Variants in ANK2 observed in about 807,000 individuals in gnomAD.
ANK2 encodes ankyrin-2.
ANK2 carries 83 observed loss-of-function variants against 360.5 expected under a neutral mutation model. That is an observed-to-expected ratio of 0.23 (90% CI 0.19 to 0.28). ANK2 has a LOEUF of 0.28. Among genes scored for constraint, ANK2 ranks in the 10% least tolerant of loss-of-function variants. The pLI, the probability that ANK2 is intolerant of heterozygous loss-of-function variation, is 1.00. For synonymous variants in ANK2, 1,740 were observed against 1,759.5 expected (o/e 0.99, Z 0.28); for missense variants, 4,201 against 4,795.7 (o/e 0.88, Z 3.66).
At chr4:112,731,900 C>T in the ANK2 span, among the ~76,000 whole-genome samples, 1 of 152,194 alleles carries the variant, frequency 6.6e-6, no homozygotes, top group African/African-American at 2.4e-5. Flanking sequence ...TTCCTGGGCT[C>T]AAGCCTTAGG....
At chr4:113,164,975 G>A (rs916142766) in intron 1 of ANK2, among the ~76,000 whole-genome samples, 1 of 152,126 alleles carries the variant, frequency 6.6e-6, no homozygotes, top group African/African-American at 2.4e-5. Flanking sequence ...CGACCCAAAT[G>A]TTGTTATAGG....
At chr4:113,236,502 A>G (rs1211953349) in intron 5 of ANK2, among the ~76,000 whole-genome samples, 1 of 152,218 alleles carries the variant, frequency 6.6e-6, no homozygotes, top group African/African-American at 2.4e-5. Context: ...GGTAATAGAC[A>G]ACTCCATCCC....
intron 2 of ANK2, among the ~76,000 whole-genome samples, chr4:112,993,101 A>G (rs957559708): frequency 6.6e-6 from 1 of 151,786 alleles, no homozygotes; most frequent in African/African-American, 2.4e-5. Flanking sequence ...TGGGCAACAT[A>G]AGGAGACCTT....
At chr4:112,856,676 C>G (rs2066489293) in intron 1 of ANK2, among the ~76,000 whole-genome samples, 1 of 152,182 alleles carries the variant, frequency 6.6e-6, no homozygotes, top group South Asian at 2.1e-4. Context: ...TGCAGTGAGC[C>G]AAGATCACGC....
the ANK2 span, among the ~76,000 whole-genome samples, chr4:112,736,536 G>A: frequency 6.6e-6 from 1 of 151,978 alleles, no homozygotes; most frequent in African/African-American, 2.4e-5. Flanking sequence ...TATTACAGAT[G>A]AGGAAATTGA....
chr4:113,238,334 C>A (rs1437038197), intron 7 of ANK2, among the ~76,000 whole-genome samples: 1 of 152,142 alleles, frequency 6.6e-6, no homozygotes, highest in Non-Finnish European at 1.5e-5. Context: ...CTAACCTATA[C>A]TCAAAAACAA....
At position 113,336,578 on chromosome 4, in the gene ANK2, C is replaced by T; in HGVS notation, c.3593C>T (p.Ala1198Val). 1.2e-6 allele frequency: 2 copies of T among 1,613,810 alleles called. No individual in the cohort carries two copies. Among genetic ancestry groups the T allele is most frequent in the African/African-American group, 1.3e-5 (1 of 75,028 alleles). ...TGTGTGTGTTTTTACTTTGAAAAGG[C>T]TCAACCTATGCACAGTGAGCTGGTT... Reference protein sequence around the residue: ...LTKRIRVGLQAQPMHSELVKK... With the variant: ...LTKRIRVGLQVQPMHSELVKK... The change falls in exon 31 of 46, where the codon GCT becomes GTT. Residue 1198 changes from alanine (A) to valine (V), a missense_variant and splice_region_variant. Ala to Val is a moderately conservative substitution (Grantham distance 64). This residue lies in a region of ANK2 where 1,268 missense variants were observed against 1,650.8 expected (regional missense o/e 0.77). Transcript: ENST00000357077.
chr4:112,782,884 A>G, the ANK2 span, among the ~76,000 whole-genome samples: 2 of 151,724 alleles, frequency 1.3e-5, no homozygotes, highest in Middle Eastern at 3.4e-3. Context: ...AAAACAAAAA[A>G]CAAAAAACCA....
intron 1 of ANK2, among the ~76,000 whole-genome samples, chr4:112,858,523 TA>T (rs2067015370): frequency 6.6e-6 from 1 of 152,200 alleles, no homozygotes; most frequent in Admixed American, 6.5e-5. Flanking sequence ...GTGTCTAATC[TA>T]TTAGAACCAA....
chr4:113,059,515 C>T (rs1443166854), intron 1 of ANK2, among the ~76,000 whole-genome samples: 1 of 152,018 alleles, frequency 6.6e-6, no homozygotes, highest in African/African-American at 2.4e-5. Context: ...CTATAAACAT[C>T]AGTTCTGTTC....
intron 2 of ANK2, among the ~76,000 whole-genome samples, chr4:112,948,353 G>C (rs923535018): frequency 1.2e-4 from 18 of 152,104 alleles, no homozygotes; most frequent in Admixed American, 1.2e-3. Context: ...ATTTGTGAGA[G>C]TTGATATAAC....
At chr4:113,244,398 A>C (rs1283857822) in intron 9 of ANK2, among the ~76,000 whole-genome samples, 1 of 152,152 alleles carries the variant, frequency 6.6e-6, no homozygotes, top group African/African-American at 2.4e-5. Flanking sequence ...TTCTTAAAAA[A>C]CAAAAAAACA....
intron 1 of ANK2, among the ~76,000 whole-genome samples, chr4:113,134,569 A>T (rs1345144671): frequency 1.3e-5 from 2 of 152,056 alleles, no homozygotes; most frequent in African/African-American, 2.4e-5. Flanking sequence ...GGACAAAAAA[A>T]CTACCTTCTA....
chr4:113,029,405 T>G (rs1178658975), intron 2 of ANK2, among the ~76,000 whole-genome samples: 3 of 152,008 alleles, frequency 2.0e-5, no homozygotes, highest in African/African-American at 7.3e-5. Context: ...CAGCTAATTT[T>G]TATTTATTTA....
At chr4:113,014,067 T>C (rs1335230473) in intron 2 of ANK2, among the ~76,000 whole-genome samples, 1 of 152,130 alleles carries the variant, frequency 6.6e-6, no homozygotes, top group Non-Finnish European at 1.5e-5. Context: ...AGAGAGTTGG[T>C]TTTAGGTTGG....
chr4:112,805,757 T>G, the ANK2 span, among the ~76,000 whole-genome samples: 2 of 152,054 alleles, frequency 1.3e-5, no homozygotes, highest in African/African-American at 4.8e-5. Context: ...AATTTTTGTA[T>G]TTTTAGTAGA....
At chr4:112,978,792 T>A (rs2154270078) in intron 2 of ANK2, among the ~76,000 whole-genome samples, 1 of 152,276 alleles carries the variant, frequency 6.6e-6, no homozygotes, top group East Asian at 1.9e-4. Context: ...AGCCTATAAT[T>A]TTACCAATTT....
At chr4:113,162,213 CTT>C (rs113791408) in intron 1 of ANK2, among the ~76,000 whole-genome samples, 1 of 149,722 alleles carries the variant, frequency 6.7e-6, no homozygotes, top group African/African-American at 2.5e-5. Context: ...AGTTTTACAG[CTT>C]TTTTTTTTCT....
At chr4:113,042,621 T>G (rs2063259292) in intron 2 of ANK2, among the ~76,000 whole-genome samples, 1 of 152,154 alleles carries the variant, frequency 6.6e-6, no homozygotes, top group African/African-American at 2.4e-5. Flanking sequence ...ACAAACATGC[T>G]TGCTGATACT....
Sources: allele counts gnomAD v4.1 joint callset (sites outside exome capture counted in the v4.1 genomes callset), GRCh38; gene constraint gnomAD v4.1.1; regional missense constraint gnomAD v4.1.1; transcripts MANE v1.5; gene names NCBI Gene and HGNC (gene_info 2026-07-23, HGNC 2026-07-21).